ACBD6: variants seen among roughly 807,000 people sequenced by gnomAD.
ACBD6 encodes the protein acyl-CoA binding domain containing 6.
Under a neutral mutation model 37.2 loss-of-function variants are expected in ACBD6, and 28 were observed. The observed-to-expected ratio is 0.75, with a 90% confidence interval of 0.56 to 1.03. ACBD6 has a LOEUF of 1.03. ACBD6 is among the 50% of genes least tolerant of loss of function. The pLI is 0.00. For synonymous variants in ACBD6, 113 were observed against 126.8 expected (o/e 0.89, Z 0.73); for missense variants, 340 against 337.4 (o/e 1.01, Z -0.06).
intron 5 of ACBD6, among the ~76,000 whole-genome samples, chr1:180,403,948 T>G (rs1266414553): frequency 6.6e-6 from 1 of 151,876 alleles, no homozygotes; most frequent in Admixed American, 6.6e-5. Flanking sequence ...GTTTAATGGG[T>G]ACAGAGTTTC....
chr1:180,335,918 C>G (rs1446014611), intron 6 of ACBD6, among the ~76,000 whole-genome samples: 1 of 149,518 alleles, frequency 6.7e-6, no homozygotes, highest in African/African-American at 2.4e-5. Flanking sequence ...ACAAAGAAGG[C>G]CATTACATAA....
intron 6 of ACBD6, among the ~76,000 whole-genome samples, chr1:180,319,976 A>G (rs1650995865): frequency 6.6e-6 from 1 of 152,218 alleles, no homozygotes; most frequent in African/African-American, 2.4e-5. Context: ...CGGTGTATGT[A>G]TATCCCTTCA....
intron 6 of ACBD6, among the ~76,000 whole-genome samples, chr1:180,359,355 T>C (rs1013797648): frequency 2.0e-5 from 3 of 152,272 alleles, no homozygotes; most frequent in African/African-American, 7.2e-5. Context: ...AGATGGATTT[T>C]TTTTGGCCCC....
intron 6 of ACBD6, among the ~76,000 whole-genome samples, chr1:180,325,793 G>A (rs1259940358): frequency 1.3e-5 from 2 of 152,188 alleles, no homozygotes; most frequent in African/African-American, 4.8e-5. Flanking sequence ...GTAGTGACAT[G>A]GTAGTCTTGG....
intron 6 of ACBD6, among the ~76,000 whole-genome samples, chr1:180,325,727 G>A (rs1003368545): frequency 1.3e-5 from 2 of 152,160 alleles, no homozygotes; most frequent in Non-Finnish European, 2.9e-5. Context: ...TCCAGGTATT[G>A]GAAGAGAATT....
chr1:180,288,600 T>C lies in ACBD6; in HGVS notation c.695-83A>G, dbSNP rs1450451892. 4.7e-6 allele frequency: 7 copies of C among 1,485,764 alleles called. No individual in the cohort carries two copies. The East Asian group carries it at 1.2e-4, about 26-fold the overall frequency. 92.0% of individuals were successfully genotyped at this position (1,485,764 alleles called of 1,614,324 possible). On this transcript the variant is annotated intron_variant, in intron 7 of 7. Transcript: ENST00000367595. ...CTACTTCAGCAGGAAAGGAAAGTGC[T>C]GAGCAATAAGGAATACTGAACAATG...
chr1:180,453,444 T>C (rs1649792749), intron 3 of ACBD6, among the ~76,000 whole-genome samples: 1 of 152,240 alleles, frequency 6.6e-6, no homozygotes, highest in Non-Finnish European at 1.5e-5. Context: ...AATATCATAT[T>C]GAATGGGCAA....
chr1:180,403,330 A>G (rs12077656), intron 5 of ACBD6, among the ~76,000 whole-genome samples: 15,828 of 152,204 alleles, frequency 0.1, 1,182 homozygotes, highest in African/African-American at 0.2. Flanking sequence ...TGTGCATTTC[A>G]TTGTATATAA....
intron 3 of ACBD6, among the ~76,000 whole-genome samples, chr1:180,467,309 A>T (rs1170506393): frequency 2.0e-5 from 3 of 151,744 alleles, no homozygotes; most frequent in Non-Finnish European, 4.4e-5. Flanking sequence ...AATCTTATAG[A>T]AGTATATAAA....
intron 6 of ACBD6, among the ~76,000 whole-genome samples, chr1:180,316,655 C>A (rs1307091917): frequency 6.6e-6 from 1 of 152,118 alleles, no homozygotes. Context: ...TAATCTATTT[C>A]TTTTAATCAC....
chr1:180,433,698 T>C (rs1220054083), intron 3 of ACBD6, among the ~76,000 whole-genome samples: 1 of 152,058 alleles, frequency 6.6e-6, no homozygotes, highest in African/African-American at 2.4e-5. Context: ...CTAACTCCTA[T>C]TGCCCTTGTT....
At chr1:180,311,530 T>C (rs556442843) in intron 7 of ACBD6, among the ~76,000 whole-genome samples, 2 of 152,320 alleles carry the variant, frequency 1.3e-5, no homozygotes, top group South Asian at 2.1e-4. Flanking sequence ...CTCCAACTCC[T>C]GGACTCAAGT....
intron 3 of ACBD6, among the ~76,000 whole-genome samples, chr1:180,477,040 C>T (rs1650825925): frequency 6.6e-6 from 1 of 151,916 alleles, no homozygotes; most frequent in African/African-American, 2.4e-5. Context: ...TTCTAAGACC[C>T]CTAGTAGATG....
At chr1:180,355,049 GATTT>G (rs1652569828) in intron 6 of ACBD6, among the ~76,000 whole-genome samples, 1 of 152,154 alleles carries the variant, frequency 6.6e-6, no homozygotes, top group African/African-American at 2.4e-5. Flanking sequence ...CAACAAAAAA[GATTT>G]ATGTCAATTG....
At chr1:180,321,701 G>GT (rs1333809749) in intron 6 of ACBD6, among the ~76,000 whole-genome samples, 3 of 152,008 alleles carry the variant, frequency 2.0e-5, no homozygotes, top group African/African-American at 7.2e-5. Context: ...ACTGATTTTT[G>GT]TATGTTGATT....
At chr1:180,374,169 T>C (rs1653353339) in intron 6 of ACBD6, among the ~76,000 whole-genome samples, 1 of 152,178 alleles carries the variant, frequency 6.6e-6, no homozygotes, top group Admixed American at 6.5e-5. Context: ...GAAAAGAAAC[T>C]GGCATGCATG....
At chr1:180,419,879 C>T (rs751116888) in intron 4 of ACBD6, among the ~76,000 whole-genome samples, 2 of 152,182 alleles carry the variant, frequency 1.3e-5, no homozygotes, top group Admixed American at 6.5e-5. Flanking sequence ...GAGGCAGGCA[C>T]ACTCAGTGTA....
At chr1:180,377,871 C>T (rs1653493391) in intron 6 of ACBD6, among the ~76,000 whole-genome samples, 3 of 151,828 alleles carry the variant, frequency 2.0e-5, no homozygotes, top group East Asian at 1.9e-4. Context: ...CGCTTGAACC[C>T]GGGAGGCGGA....
chr1:180,387,188 T>C (rs1442053421), intron 6 of ACBD6, among the ~76,000 whole-genome samples: 5 of 152,174 alleles, frequency 3.3e-5, no homozygotes, highest in Non-Finnish European at 5.9e-5. Context: ...TTCCACACTG[T>C]AGTTCAGTTC....
Sources: allele counts gnomAD v4.1 joint callset (sites outside exome capture counted in the v4.1 genomes callset), GRCh38; gene constraint gnomAD v4.1.1; transcripts MANE v1.5; gene names NCBI Gene and HGNC (gene_info 2026-07-23, HGNC 2026-07-21).